The following SPEG variants were observed in gnomAD, a reference collection of about 807,000 sequenced individuals.
SPEG encodes the protein striated muscle enriched protein kinase.
A neutral mutation model predicts 300.4 loss-of-function variants in SPEG; 114 were observed. The observed-to-expected ratio is 0.38, with a 90% CI of 0.33 to 0.44. The LOEUF (loss-of-function observed/expected upper bound fraction) is 0.44. SPEG is among the 20% of genes least tolerant of loss of function. The pLI, the probability that SPEG is intolerant of heterozygous loss-of-function variation, is 1.00. For synonymous variants in SPEG, 1,964 were observed against 2,018.9 expected, an observed-to-expected ratio of 0.97 and a Z score of 0.73; for missense variants, 4,201 against 4,586.2, an observed-to-expected ratio of 0.92 and a Z score of 2.43.
In SPEG at chr2:219,473,645, A is replaced by T; in HGVS notation, c.4271+18A>T. The T allele has an allele frequency of 1.9e-6, 3 of 1,614,132 alleles. No homozygotes were observed. The South Asian group carries it at 3.3e-5, about 18-fold the overall frequency. ...TGGAGGAGGTGGGCCCCTTTCCCAC[A>T]TGTGGCAGCCCAGGTCTGGCCCAGC... On this transcript the variant is annotated intron_variant, in intron 17 of 40. Transcript: ENST00000312358. This position sits in a 1 kb window ranked among gnomAD's most constrained non-coding sequence, Gnocchi z 4.6.
At chr2:219,436,403 G>A (rs370967037) in intron 1 of SPEG, among the ~76,000 whole-genome samples, 1 of 152,254 alleles carries the variant, frequency 6.6e-6, no homozygotes, top group African/African-American at 2.4e-5. Context: ...GGCAGGCTGC[G>A]CCTTGAGAAA....
At position 219,462,596 on chromosome 2, in the gene SPEG, G is replaced by C. The variant is rs1262285349; in HGVS notation, c.2705+210G>C. 4.6e-5 allele frequency among the ~76,000 whole-genome samples: 7 copies of C among 152,372 alleles called. No individual in the cohort carries two copies. In the East Asian group the frequency reaches 1.3e-3, roughly 29 times the overall value. ...CTTATTTAGGGCTTCCCCTTCTGGG[G>C]AGGGGTTTGGGTCTCATGTCTGTCC... is the stretch of plus-strand genomic sequence containing the variant. On this transcript the variant is annotated intron_variant, in intron 8 of 40. Coordinates refer to ENST00000312358, the MANE Select transcript of SPEG (RefSeq NM_005876.5).
chr2:219,441,781 C>T (rs1376598129), intron 1 of SPEG, among the ~76,000 whole-genome samples: 2 of 150,336 alleles, frequency 1.3e-5, no homozygotes, highest in South Asian at 2.1e-4. Context: ...TGAGGGCCTC[C>T]CCGGGGGAAG....
intron 6 of SPEG, among the ~76,000 whole-genome samples, chr2:219,456,782 G>A (rs932767279): frequency 6.6e-5 from 10 of 151,914 alleles, no homozygotes; most frequent in Admixed American, 2.0e-4. Context: ...GGTGATGGAC[G>A]TCTCTAATTC....
At chr2:219,460,098 G>A (rs1394969830) in intron 6 of SPEG, among the ~76,000 whole-genome samples, 1 of 152,256 alleles carries the variant, frequency 6.6e-6, no homozygotes, top group Non-Finnish European at 1.5e-5. Context: ...CTTTAGCGGG[G>A]CTAAGGTGGG....
At position 219,464,408 on chromosome 2, in the gene SPEG, G is replaced by C. The variant is rs1287927678; in HGVS notation, c.2706-25G>C. ...CGCACATCAGGCCCCTGGGCCCTGG[G>C]ACTGAGTTCTTGCCCCTCTGACAGG... On this transcript the variant is annotated intron_variant, in intron 8 of 40. Transcript: ENST00000312358. This position sits in a 1 kb window ranked among gnomAD's most constrained non-coding sequence, Gnocchi z 4.5. 6.3e-7 allele frequency: 1 copy of C among 1,598,808 alleles called. No homozygotes were observed.
At position 219,483,158 on chromosome 2, in the gene SPEG, G is replaced by GC. The variant is rs765267670; in HGVS notation, c.5702dup (p.Glu1902ArgfsTer24). On this transcript the variant is annotated frameshift_variant, in exon 30 of 41. Coordinates refer to ENST00000312358, the MANE Select transcript of SPEG (RefSeq NM_005876.5). LOFTEE classifies it high-confidence loss of function. ...GCGCCCCATCCCCGAGCTGCTGCGG[G>GC]CCCCCCCAGAGCGGGTGTGGGTGAC... The GC allele has an allele frequency of 5.0e-6, 8 of 1,609,200 alleles. No homozygotes were observed. The highest frequency in any genetic ancestry group is 5.1e-6 in the Non-Finnish European group (6 of 1,179,308).
chr2:219,464,455 C>T lies in SPEG; in HGVS notation c.2728C>T (p.Arg910Cys), dbSNP rs539214212. 35 of 1,611,894 alleles carry T rather than the reference C, an allele frequency of 2.2e-5. 1 individual carries two copies. Among genetic ancestry groups the T allele is most frequent in the South Asian group, 4.4e-5 (4 of 91,022 alleles). Reference protein sequence around the residue: ...VSWLRNRQPVRPDQRRFAEEA... With the variant: ...VSWLRNRQPVCPDQRRFAEEA... ...CAGGCTGAGAAACCGCCAGCCCGTGCGCCCAGACCAGCGGCGCTTTGCGGA... is the reference window on the plus strand; with the variant it reads ...CAGGCTGAGAAACCGCCAGCCCGTGTGCCCAGACCAGCGGCGCTTTGCGGA... The change falls in exon 9 of 41, where the codon CGC (arginine) becomes TGC (cysteine). Residue 910 changes from arginine (R) to cysteine (C), a missense_variant. Arg to Cys is a radical substitution (Grantham distance 180). Around this residue, in one of 4 missense-constraint regions of SPEG, gnomAD observed 1,047 missense variants for 1,356.8 expected, o/e 0.77. Transcript: ENST00000312358. This position sits in a 1 kb window ranked among gnomAD's most constrained non-coding sequence, Gnocchi z 4.5.
intron 6 of SPEG, among the ~76,000 whole-genome samples, chr2:219,456,908 C>CAA (rs61151030): frequency 0.028 from 1,113 of 39,536 alleles, 15 homozygotes; most frequent in African/African-American, 0.048. Flanking sequence ...GACTCTGTCT[C>CAA]AAAAAAAAAA....
At position 219,473,733 on chromosome 2, in the gene SPEG, G is replaced by A. The variant is rs767867853; in HGVS notation, c.4277G>A (p.Arg1426Gln). 40 of 1,612,842 alleles carry A rather than the reference G, an allele frequency of 2.5e-5. 1 individual carries two copies. The highest frequency in any genetic ancestry group is 1.5e-4 in the South Asian group (14 of 91,054). ...CCCTGTCATGTGTCCCCTAGCTGCC[G>A]AGGGGCCCTCCTAGAGGCACGGGCC... ...VEAQVVWRSC[R>Q]GALLEARAGV... The change falls in exon 18 of 41, where the codon CGA becomes CAA. Residue 1426 changes from arginine (R) to glutamine (Q), a missense_variant. Physicochemically the swap from Arg to Gln is conservative, Grantham distance 43 (BLOSUM62 1). Coordinates refer to ENST00000312358, the MANE Select transcript of SPEG (RefSeq NM_005876.5). The surrounding 1 kb of genome is among the most constrained non-coding windows in gnomAD (Gnocchi z 4.6).
At position 219,488,623 on chromosome 2, in the gene SPEG, G is replaced by T. The variant is rs374618068; in HGVS notation, c.7984G>T (p.Val2662Leu). 6.2e-7 allele frequency: 1 copy of T among 1,610,706 alleles called. No homozygotes were observed. Among genetic ancestry groups the T allele is most frequent in the South Asian group, 1.1e-5 (1 of 90,768 alleles). Residue 2662 changes from valine to leucine, a missense_variant, in exon 33 of 41, where the codon GTA becomes TTA. Around this residue, in one of 4 missense-constraint regions of SPEG, gnomAD observed 1,578 missense variants for 1,506.0 expected, o/e 1.05. Coordinates refer to ENST00000312358, the MANE Select transcript of SPEG (RefSeq NM_005876.5). ...AGLYECSATN[V>L]LGSITSSCTV... ...TCTCTATGAGTGCTCGGCCACCAAC[G>T]TACTGGGCAGCATCACCAGCTCCTG...
chr2:219,438,958 A>G (rs1219980438), intron 1 of SPEG, among the ~76,000 whole-genome samples: 1 of 152,230 alleles, frequency 6.6e-6, no homozygotes, highest in East Asian at 1.9e-4. Context: ...ATGTCTGGCT[A>G]GAGAAGCCAG....
intron 1 of SPEG, among the ~76,000 whole-genome samples, chr2:219,441,747 C>T (rs895217182): frequency 1.3e-5 from 2 of 152,004 alleles, no homozygotes; most frequent in African/African-American, 4.8e-5. Context: ...TAGGAGGTGA[C>T]CGGTGGTCGT....
At position 219,435,237 on chromosome 2, in the gene SPEG, C is replaced by G. The variant is rs777665655; in HGVS notation, c.260C>G (p.Ala87Gly). Residue 87 changes from alanine to glycine, a missense_variant, in exon 1 of 41, where the codon GCC (alanine) becomes GGC (glycine). By Grantham distance (60) the Ala-to-Gly change is moderately conservative (BLOSUM62 0). This residue lies in a region of SPEG where 1,258 missense variants were observed against 1,293.9 expected (regional missense o/e 0.97). Transcript: ENST00000312358. ...GATGGGCAGCTCCTGCCCGCGCCGG[C>G]CCCCGAGCCCAGCTGCCTGTGGCTG... is the stretch of plus-strand genomic sequence containing the variant. ...FRDGQLLPAP[A>G]PEPSCLWLRR... 2.6e-5 allele frequency: 39 copies of G among 1,476,206 alleles called. No homozygotes were observed. Among genetic ancestry groups the G allele is most frequent in the Non-Finnish European group, 3.2e-5 (36 of 1,123,836 alleles). The allele number at this position is 1,476,206 out of a possible 1,614,324, so 91.4% of individuals were successfully genotyped here.
At chr2:219,440,817 T>C (rs1317962212) in intron 1 of SPEG, among the ~76,000 whole-genome samples, 1 of 152,310 alleles carries the variant, frequency 6.6e-6, no homozygotes, top group African/African-American at 2.4e-5. Flanking sequence ...CTCATTCACA[T>C]AGAGTGCTTA....
rs769775048 is a variant in SPEG, at chr2:219,484,457, G to T, written c.6994G>T (p.Val2332Leu). Residue 2332 changes from valine to leucine, a missense_variant, in exon 30 of 41, where the codon GTG (valine) becomes TTG (leucine). By Grantham distance (32) the Val-to-Leu change is conservative (BLOSUM62 1). Around this residue, in one of 4 missense-constraint regions of SPEG, gnomAD observed 1,578 missense variants for 1,506.0 expected, o/e 1.05. Transcript: ENST00000312358. ...SSIENLESEA[V>L]FEAKFKRSRE... ...CATCGAAAACTTGGAGTCGGAGGCC[G>T]TGTTCGAGGCCAAGTTCAAGCGCAG... The T allele has an allele frequency of 6.2e-7, 1 of 1,611,176 alleles. No homozygotes were observed. Among genetic ancestry groups the T allele is most frequent in the Non-Finnish European group, 8.5e-7 (1 of 1,179,758 alleles).
intron 13 of SPEG, chr2:219,471,628 A>G: frequency 1.8e-6 from 1 of 552,158 alleles, no homozygotes; most frequent in Non-Finnish European, 3.3e-6. Flanking sequence ...GACACACTGG[A>G]GGGACAGACC....
intron 6 of SPEG, chr2:219,461,537 G>A: frequency 8.5e-7 from 1 of 1,170,578 alleles, no homozygotes; most frequent in South Asian, 2.5e-5. Flanking sequence ...TAGGTCTCTA[G>A]TCCATGTCAG....
intron 6 of SPEG, among the ~76,000 whole-genome samples, chr2:219,453,427 C>T (rs540719665): frequency 1.3e-5 from 2 of 152,318 alleles, no homozygotes; most frequent in Non-Finnish European, 2.9e-5. Flanking sequence ...TAGTTGTTAG[C>T]GTTATTAACG....
Sources: allele counts gnomAD v4.1 joint callset (sites outside exome capture counted in the v4.1 genomes callset), GRCh38; gene constraint gnomAD v4.1.1; regional missense constraint gnomAD v4.1.1; non-coding constraint Gnocchi (gnomAD v3.1); transcripts MANE v1.5; gene names NCBI Gene and HGNC (gene_info 2026-07-23, HGNC 2026-07-21).